Variants in VAV2 observed in about 807,000 individuals in gnomAD.
The protein encoded by VAV2 is guanine nucleotide exchange factor VAV2.
A neutral mutation model predicts 132.5 loss-of-function variants in VAV2; 67 were observed. The ratio of observed to expected loss-of-function variants is 0.51; its 90% CI spans 0.42 to 0.62. The LOEUF (loss-of-function observed/expected upper bound fraction) is 0.62. Ranked by LOEUF, VAV2 falls within the 20% of genes least tolerant of loss-of-function variation. The probability of loss-of-function intolerance (pLI) is 0.00; values close to 1 mark genes in which losing one functional copy is unlikely to be tolerated. For missense variants in VAV2, 938 were observed against 1,153.6 expected (o/e 0.81, Z 2.71); for synonymous variants, 492 against 443.5 (o/e 1.11, Z -1.37).
chr9:133,963,126 C>T (rs913861965), intron 1 of VAV2, among the ~76,000 whole-genome samples: 17 of 152,126 alleles, frequency 1.1e-4, no homozygotes, highest in African/African-American at 2.7e-4. Context: ...GCCCTTTGCA[C>T]GGAAACTGGG....
chr9:133,947,699 C>CA (rs75534755), intron 1 of VAV2, among the ~76,000 whole-genome samples: 185 of 134,148 alleles, frequency 1.4e-3, no homozygotes, highest in Admixed American at 2.3e-3. Context: ...AACTCCGTCT[C>CA]AAAAAAAAAA....
intron 1 of VAV2, among the ~76,000 whole-genome samples, chr9:133,974,467 T>C (rs1842441667): frequency 6.6e-6 from 1 of 152,182 alleles, no homozygotes; most frequent in African/African-American, 2.4e-5. Flanking sequence ...GGTCTCCGTT[T>C]GCTACCTGCT....
chr9:133,938,505 G>A (rs1283955552), intron 2 of VAV2, among the ~76,000 whole-genome samples: 1 of 32,158 alleles, frequency 3.1e-5, no homozygotes, highest in Non-Finnish European at 1.7e-4. Context: ...CACCAGCCCG[G>A]CTCCTGCATG....
intron 2 of VAV2, among the ~76,000 whole-genome samples, chr9:133,917,642 G>T (rs1249539444): frequency 6.6e-6 from 1 of 152,148 alleles, no homozygotes. Flanking sequence ...TAGCCTGCCT[G>T]AGAGAGTGCC....
At chr9:133,939,755 C>A (rs1763059986) in intron 1 of VAV2, among the ~76,000 whole-genome samples, 1 of 152,248 alleles carries the variant, frequency 6.6e-6, no homozygotes, top group African/African-American at 2.4e-5. Flanking sequence ...CTGACAACAC[C>A]AACACATCCT....
At position 133,805,824 on chromosome 9, in the gene VAV2, C is replaced by T. The variant is rs192840777; in HGVS notation, c.836+257G>A. 5.2e-3 allele frequency among the ~76,000 whole-genome samples: 786 copies of T among 152,356 alleles called. 8 individuals carry two copies. The highest frequency in any genetic ancestry group is 0.018 in the African/African-American group (741 of 41,578). On this transcript the variant is annotated intron_variant, in intron 9 of 29. Coordinates refer to ENST00000371850, the MANE Select transcript of VAV2 (RefSeq NM_001134398.2). ...GCCACTTGGATGGCCACACCTCTCA[C>T]AGCCAGTTAGAAACATCCAGAACCC...
At position 133,810,174 on chromosome 9, in the gene VAV2, C is replaced by A; in HGVS notation, c.567+17G>T. 4 of 1,613,292 alleles carry A rather than the reference C, an allele frequency of 2.5e-6. No homozygotes were observed. Among genetic ancestry groups the A allele is most frequent in the East Asian group, 2.2e-5 (1 of 44,864 alleles). ...CGCAGGCAGGACGTCCCCAGCCTCC[C>A]CTTCCGGGCCACTCACCTGCATGTA... On this transcript the variant is annotated intron_variant, in intron 6 of 29. Coordinates refer to ENST00000371850, the MANE Select transcript of VAV2 (RefSeq NM_001134398.2).
In VAV2 at chr9:133,774,991, C is replaced by A; in HGVS notation, c.2079G>T (p.Gly693=). The A allele has an allele frequency of 6.2e-7, 1 of 1,613,616 alleles. No individual in the cohort carries two copies. Among genetic ancestry groups the A allele is most frequent in the African/African-American group, 1.3e-5 (1 of 75,048 alleles). The change falls in exon 25 of 30, where the codon GGG becomes GGT. Residue 693 remains glycine (G), a synonymous_variant. Transcript: ENST00000371850. ...TDNLLKSHAS[G]TYLIRERPAE... ...CAGGCCGCTCCCTGATCAGGTAGGT[C>A]CCGCTGGCGTGGGACTTGAGCAGGT...
In VAV2 at chr9:133,770,494, A is replaced by C. The variant is rs766933645; in HGVS notation, c.2231T>G (p.Val744Gly). The C allele has an allele frequency of 1.9e-6, 3 of 1,613,910 alleles. No individual in the cohort carries two copies. The highest frequency in any genetic ancestry group is 2.5e-6 in the Non-Finnish European group (3 of 1,179,870). Residue 744 changes from valine to glycine, a missense_variant, in exon 27 of 30, where the codon GTG becomes GGG. Val to Gly is a moderately radical substitution (Grantham distance 109). Transcript: ENST00000371850. ...CAGTGAGTGGCACTGGTAGTACTCCACCAACTCCTGCAGGGCGTACACACT... is the reference window on the plus strand; with the variant it reads ...CAGTGAGTGGCACTGGTAGTACTCCCCCAACTCCTGCAGGGCGTACACACT... ...AKKFDSLLELVEYYQCHSLKE... is the reference protein window; with the variant it reads ...AKKFDSLLELGEYYQCHSLKE...
At chr9:133,872,785 C>A (rs568115008) in intron 2 of VAV2, among the ~76,000 whole-genome samples, 1 of 152,064 alleles carries the variant, frequency 6.6e-6, no homozygotes, top group Non-Finnish European at 1.5e-5. Flanking sequence ...TTGACTAAGA[C>A]AGAGTCTACC....
chr9:133,847,593 G>C (rs1836986978), intron 3 of VAV2, among the ~76,000 whole-genome samples: 1 of 152,132 alleles, frequency 6.6e-6, no homozygotes, highest in South Asian at 2.1e-4. Flanking sequence ...GATGAATACT[G>C]GGCCCGGAAC....
At position 133,815,441 on chromosome 9, in the gene VAV2, C is replaced by T. The variant is rs554894268; in HGVS notation, c.450-3225G>A. On this transcript the variant is annotated intron_variant, in intron 4 of 29. Coordinates refer to ENST00000371850, the MANE Select transcript of VAV2 (RefSeq NM_001134398.2). The stretch of plus-strand genomic sequence containing the variant: ...ATAGAGTATTTTCATCTCACCGGAG[C>T]TCCTGCCCTTCCCCATCAGTCTCCT... Among the ~76,000 whole-genome samples, 4 of 152,290 alleles carry T rather than the reference C, an allele frequency of 2.6e-5. No homozygotes were observed. The South Asian group carries it at 8.3e-4, about 32-fold the overall frequency.
At chr9:133,931,288 G>C (rs1286806936) in intron 2 of VAV2, among the ~76,000 whole-genome samples, 1 of 152,204 alleles carries the variant, frequency 6.6e-6, no homozygotes, top group African/African-American at 2.4e-5. Flanking sequence ...GGCAGCCAGA[G>C]AGCCCAGCAG....
At chr9:133,913,985 C>T (rs1408589802) in intron 2 of VAV2, among the ~76,000 whole-genome samples, 1 of 152,196 alleles carries the variant, frequency 6.6e-6, no homozygotes, top group Non-Finnish European at 1.5e-5. Context: ...TCTGTTTGGT[C>T]CCCACTCCAA....
At chr9:133,984,786 T>C (rs1347446685) in intron 1 of VAV2, among the ~76,000 whole-genome samples, 2 of 151,974 alleles carry the variant, frequency 1.3e-5, no homozygotes, top group African/African-American at 2.4e-5. Flanking sequence ...CAAAAGCCTA[T>C]AGTCCCAGCT....
At chr9:133,891,624 G>A (rs1182117169) in intron 2 of VAV2, among the ~76,000 whole-genome samples, 1 of 634 alleles carries the variant, frequency 1.6e-3, no homozygotes, top group African/African-American at 8.3e-3. Flanking sequence ...AGGGATGGAG[G>A]GGAGGGAGGG....
Position 133,804,530 on chromosome 9 carries a change from A to G in VAV2, c.836+1551T>C, listed in dbSNP as rs930582658. On this transcript the variant is annotated intron_variant, in intron 9 of 29. Coordinates refer to ENST00000371850, the MANE Select transcript of VAV2 (RefSeq NM_001134398.2). The surrounding 1 kb of genome is among the most constrained non-coding windows in gnomAD (Gnocchi z 4.5). ...TGGAGGGAGGCTCCTGGGAGAGGAC[A>G]GGTTATCCACCCTGTCACTCTACCA... Among the ~76,000 whole-genome samples, 3 of 152,190 alleles carry G rather than the reference A, an allele frequency of 2.0e-5. No individual in the cohort carries two copies. Among genetic ancestry groups the G allele is most frequent in the African/African-American group, 7.2e-5 (3 of 41,450 alleles).
Position 133,992,285 on chromosome 9 carries a change from C to G in VAV2, c.-7G>C. 1 of 1,534,192 alleles carries G rather than the reference C, an allele frequency of 6.5e-7. No individual in the cohort carries two copies. The highest frequency in any genetic ancestry group is 2.6e-5 in the East Asian group (1 of 38,898). ...ACTGCCGCCACTGCTCCATGGCGCC[C>G]GCGGGCCCGACCGGCTCAGGGCAGT... On this transcript the variant is annotated 5_prime_UTR_variant, in exon 1 of 30. Transcript: ENST00000371850. The surrounding 1 kb of genome is among the most constrained non-coding windows in gnomAD (Gnocchi z 5.5).
rs1337111604 is a variant in VAV2, at chr9:133,823,508, T to C, written c.449+10764A>G. On this transcript the variant is annotated intron_variant, in intron 4 of 29. Coordinates refer to ENST00000371850, the MANE Select transcript of VAV2 (RefSeq NM_001134398.2). The surrounding 1 kb of genome is among the most constrained non-coding windows in gnomAD (Gnocchi z 5.5). ...GAGCAATATTTCTTAAGTGCCACTG[T>C]GTGTCAGTCAGATCTACGCTGAATA... 6.6e-6 allele frequency among the ~76,000 whole-genome samples: 1 copy of C among 152,150 alleles called. No individual in the cohort carries two copies. The highest frequency in any genetic ancestry group is 2.4e-5 in the African/African-American group (1 of 41,408).
Sources: gnomAD v4.1 joint callset for allele counts (sites outside exome capture counted in the v4.1 genomes callset) on GRCh38, gnomAD v4.1.1 for gene constraint, Gnocchi (gnomAD v3.1) non-coding constraint, MANE v1.5 for transcripts, NCBI Gene and HGNC (gene_info 2026-07-23, HGNC 2026-07-21) for gene names.